Variants in EML5 observed in about 807,000 individuals in gnomAD.
The protein encoded by EML5 is echinoderm microtubule-associated protein-like 5.
In EML5, 120 loss-of-function variants were observed where a neutral mutation model predicts 250.0. The observed-to-expected ratio is 0.48, with a 90% confidence interval of 0.41 to 0.56. The LOEUF (loss-of-function observed/expected upper bound fraction) is 0.56. Among genes scored for constraint, EML5 ranks in the 20% least tolerant of loss-of-function variants. The pLI is 0.00. For missense variants in EML5, 2,006 were observed against 2,437.6 expected, an observed-to-expected ratio of 0.82 and a Z score of 3.73; for synonymous variants, 771 against 806.5, an observed-to-expected ratio of 0.96 and a Z score of 0.75.
Position 88,626,829 on chromosome 14 carries a change from G to A in EML5, c.4740+9C>T, listed in dbSNP as rs2090004521. 6.2e-7 allele frequency: 1 copy of A among 1,613,386 alleles called. No individual in the cohort carries two copies. The highest frequency in any genetic ancestry group is 8.5e-7 in the Non-Finnish European group (1 of 1,179,640). Reference sequence around the variant, plus strand: ...CAAAGTCACACTATGTGCATTTTAAGAGACATACTGCACCAAATGCAATAG... The same window carrying A: ...CAAAGTCACACTATGTGCATTTTAAAAGACATACTGCACCAAATGCAATAG... On this transcript the variant is annotated intron_variant, in intron 35 of 43. Coordinates refer to ENST00000554922, the MANE Select transcript of EML5 (RefSeq NM_183387.3).
At chr14:88,705,895 G>A (rs1484614501) in intron 11 of EML5, 2 of 564,592 alleles carry the variant, frequency 3.5e-6, no homozygotes, top group Non-Finnish European at 6.6e-6. Flanking sequence ...ATGAAAAATA[G>A]CTAAAAATAC....
At chr14:88,708,012 T>C (rs1333731952) in intron 10 of EML5, among the ~76,000 whole-genome samples, 1 of 152,206 alleles carries the variant, frequency 6.6e-6, no homozygotes, top group African/African-American at 2.4e-5. Context: ...TATCTCAGCA[T>C]CTGATCTGCC....
chr14:88,617,021 G>C (rs746620613), intron 41 of EML5, 142 bp from the exon 42 acceptor site: 18 of 659,914 alleles, frequency 2.7e-5, no homozygotes, highest in Non-Finnish European at 3.9e-5. Flanking sequence ...AAGTTGTTTG[G>C]AGACCTGAAT....
rs1468395152 is a variant in EML5, at chr14:88,670,162, A to AC, written c.3125-4674dup. ...AAACCCCATCTCTACTAAAAAAAAA[A>AC]CAAAAAAAATTAGCTGGGTGTGGTA... On this transcript the variant is annotated intron_variant, in intron 21 of 43. Transcript: ENST00000554922. Among the ~76,000 whole-genome samples the AC allele has an allele frequency of 5.3e-5, 8 of 151,484 alleles. No homozygotes were observed. The South Asian group carries it at 1.0e-3, about 20-fold the overall frequency.
rs773451401 is a variant in EML5 at position 88,620,931 on chromosome 14, A to AT, written c.5203-6dup. ...ATTCACTTTGTTTAACATCTTCTGCATTTAAAAAAAAAAAAAAAAAGAGTC... is the reference window on the plus strand; with the variant it reads ...ATTCACTTTGTTTAACATCTTCTGCATTTTAAAAAAAAAAAAAAAAAGAGTC... On this transcript the variant is annotated splice_region_variant and splice_polypyrimidine_tract_variant and intron_variant, in intron 38 of 43. Coordinates refer to ENST00000554922, the MANE Select transcript of EML5 (RefSeq NM_183387.3). This position sits in a 1 kb window ranked among gnomAD's most constrained non-coding sequence, Gnocchi z 4.3. The AT allele has an allele frequency of 4.4e-5, 62 of 1,422,592 alleles. 1 individual carries two copies. The highest frequency in any genetic ancestry group is 3.1e-4 in the East Asian group (12 of 39,130). The allele number at this position is 1,422,592 out of a possible 1,614,324, so 88.1% of individuals were successfully genotyped here.
At chr14:88,748,483 T>C (rs2094041291) in intron 2 of EML5, among the ~76,000 whole-genome samples, 2 of 152,144 alleles carry the variant, frequency 1.3e-5, no homozygotes, top group South Asian at 4.1e-4. Flanking sequence ...TCATCAAAGT[T>C]TGAAAGCAAG....
chr14:88,667,908 G>C (rs1460696152), intron 21 of EML5, among the ~76,000 whole-genome samples: 1 of 152,240 alleles, frequency 6.6e-6, no homozygotes, highest in Non-Finnish European at 1.5e-5. Context: ...TCTTCAAGCA[G>C]TGGTTCTGAC....
chr14:88,617,801 A>G (rs550154691), intron 41 of EML5: 3 of 153,772 alleles, frequency 2.0e-5, no homozygotes, highest in Admixed American at 6.5e-5. Flanking sequence ...TCATTGGCCA[A>G]AAAAATGGAT....
chr14:88,638,796 T>C lies in EML5; in HGVS notation c.4336+13A>G. On this transcript the variant is annotated intron_variant, in intron 32 of 43. Coordinates refer to ENST00000554922, the MANE Select transcript of EML5 (RefSeq NM_183387.3). ...TGCTTTAAATTGTTTCTTTTTAAAA[T>C]ACAGAAACATACCTACTTGGCCAGT... 1 of 1,544,504 alleles carries C rather than the reference T, an allele frequency of 6.5e-7. No individual in the cohort carries two copies. Among genetic ancestry groups the C allele is most frequent in the Non-Finnish European group, 8.8e-7 (1 of 1,140,782 alleles).
chr14:88,655,872 A>G (rs2091848897), intron 27 of EML5, among the ~76,000 whole-genome samples: 1 of 152,254 alleles, frequency 6.6e-6, no homozygotes, highest in African/African-American at 2.4e-5. Flanking sequence ...AAAAAAGCTC[A>G]TCATCACTGG....
At chr14:88,789,396 G>A (rs1481171666) in intron 1 of EML5, among the ~76,000 whole-genome samples, 1 of 152,128 alleles carries the variant, frequency 6.6e-6, no homozygotes, top group Non-Finnish European at 1.5e-5. Context: ...TAAATGACTA[G>A]AGAAGTATAC....
chr14:88,737,625 T>A (rs1390791015), intron 6 of EML5, among the ~76,000 whole-genome samples: 1 of 152,250 alleles, frequency 6.6e-6, no homozygotes, highest in African/African-American at 2.4e-5. Context: ...ACCTTTTATA[T>A]CTTAGATGTG....
intron 21 of EML5, among the ~76,000 whole-genome samples, chr14:88,670,153 A>G (rs1270165291): frequency 1.4e-5 from 2 of 146,168 alleles, no homozygotes; most frequent in African/African-American, 2.5e-5. Flanking sequence ...CATCTCTACT[A>G]AAAAAAAAAC....
At chr14:88,709,825 T>G (rs1458703479) in intron 10 of EML5, among the ~76,000 whole-genome samples, 2 of 152,146 alleles carry the variant, frequency 1.3e-5, no homozygotes, top group Admixed American at 1.3e-4. Flanking sequence ...CACAATATTT[T>G]GCAGCAGTGA....
At chr14:88,722,145 A>G (rs2093600082) in intron 8 of EML5, among the ~76,000 whole-genome samples, 1 of 152,226 alleles carries the variant, frequency 6.6e-6, no homozygotes, top group Non-Finnish European at 1.5e-5. Flanking sequence ...GAGAAATAGG[A>G]ATGCTTTTAC....
chr14:88,627,782 G>C lies in EML5; in HGVS notation c.4395C>G (p.Asn1465Lys). 6.2e-7 allele frequency: 1 copy of C among 1,607,288 alleles called. No homozygotes were observed. Among genetic ancestry groups the C allele is most frequent in the Middle Eastern group, 1.6e-4 (1 of 6,064 alleles). The change falls in exon 34 of 44, where the codon AAC becomes AAG. Residue 1465 changes from asparagine to lysine, a missense_variant. Transcript: ENST00000554922. Reference protein sequence around the residue: ...APSIHIWDAMNKQTLSILRCY... With the variant: ...APSIHIWDAMKKQTLSILRCY... ...ATCTTAGGATAGATAAAGTCTGCTT[G>C]TTCATTGCATCCCAGATGTGAATAG...
chr14:88,728,314 T>C (rs2093698438), intron 7 of EML5, among the ~76,000 whole-genome samples: 1 of 148,434 alleles, frequency 6.7e-6, no homozygotes, highest in African/African-American at 2.5e-5. Context: ...AGTTGACCCT[T>C]GAATAATGCA....
At chr14:88,791,907 T>G (rs1225930972) in intron 1 of EML5, among the ~76,000 whole-genome samples, 3 of 152,158 alleles carry the variant, frequency 2.0e-5, no homozygotes, top group African/African-American at 7.2e-5. Flanking sequence ...CAGTCCTTTA[T>G]TAGGTAAAGG....
rs779994177 is a variant in EML5, at chr14:88,624,986, C to T, written c.4882G>A (p.Gly1628Arg). ...TTLRDGLIVTGGKERPSKEGG... is the reference protein window; with the variant it reads ...TTLRDGLIVTRGKERPSKEGG... ...AGGACTCACGGCCTTTCCTTTCCCC[C>T]AGTCACGATAAGTCCATCTCGCAGG... Residue 1628 changes from glycine (G) to arginine (R), a missense_variant, in exon 36 of 44, where the codon GGG (glycine) becomes AGG (arginine). By Grantham distance (125) the Gly-to-Arg change is moderately radical. Coordinates refer to ENST00000554922, the MANE Select transcript of EML5 (RefSeq NM_183387.3). 1.2e-6 allele frequency: 2 copies of T among 1,613,434 alleles called. No individual in the cohort carries two copies. The highest frequency in any genetic ancestry group is 3.3e-5 in the Admixed American group (2 of 59,940).
Sources: allele counts gnomAD v4.1 joint callset (sites outside exome capture counted in the v4.1 genomes callset), GRCh38; gene constraint gnomAD v4.1.1; non-coding constraint Gnocchi (gnomAD v3.1); transcripts MANE v1.5; gene names NCBI Gene and HGNC (gene_info 2026-07-23, HGNC 2026-07-21).